Variants in ZNF483 observed in about 807,000 individuals in gnomAD.
ZNF483 encodes the protein zinc finger protein HIT-10.
In ZNF483, 9 loss-of-function variants were observed where a neutral mutation model predicts 28.6. The observed-to-expected ratio is 0.32, with a 90% CI of 0.19 to 0.55. The LOEUF is 0.55. Among genes scored for constraint, ZNF483 ranks in the 20% least tolerant of loss-of-function variants. The pLI, the probability that ZNF483 is intolerant of heterozygous loss-of-function variation, is 0.93. For synonymous variants in ZNF483, 322 were observed against 306.2 expected (o/e 1.05, Z -0.54); for missense variants, 675 against 871.7 (o/e 0.77, Z 2.84).
At chr9:111,558,218 G>C (rs1202909372), downstream of ZNF483, among the ~76,000 whole-genome samples, 1 of 152,120 alleles carries the variant, frequency 6.6e-6, no homozygotes, top group Non-Finnish European at 1.5e-5. Flanking sequence ...GTCTCAGTAC[G>C]GACTCATGGT....
chr9:111,549,598 C>G lies in ZNF483; in HGVS notation c.*6428C>G. The G allele has an allele frequency of 1.3e-6, 1 of 797,234 alleles. No homozygotes were observed. Among genetic ancestry groups the G allele is most frequent in the Non-Finnish European group, 2.0e-6 (1 of 506,134 alleles). The allele number at this position is 797,234 out of a possible 1,614,324, so 49.4% of individuals were successfully genotyped here. Reference sequence around the variant, plus strand: ...TCAGAGTGGGTCGATAATCTACAAGCTTTGCTAAACCTACCTGTAGCTCTT... The same window carrying G: ...TCAGAGTGGGTCGATAATCTACAAGGTTTGCTAAACCTACCTGTAGCTCTT... On this transcript the variant is annotated 3_prime_UTR_variant, in exon 6 of 6. Coordinates refer to ENST00000309235, the MANE Select transcript of ZNF483 (RefSeq NM_133464.5).
chr9:111,537,353 C>T (rs1827537749), intron 5 of ZNF483, among the ~76,000 whole-genome samples: 1 of 151,960 alleles, frequency 6.6e-6, no homozygotes, highest in African/African-American at 2.4e-5. Context: ...CACCAAGTAG[C>T]TGTGATTACA....
chr9:111,562,747 C>A, intron 5 of ZNF483: 1 of 191,284 alleles, frequency 5.2e-6, no homozygotes. Flanking sequence ...TGCTCTCCCT[C>A]CCTCACCCCG....
In ZNF483 at chr9:111,549,843, G is replaced by C; in HGVS notation, c.*6673G>C. On this transcript the variant is annotated 3_prime_UTR_variant, in exon 6 of 6. Transcript: ENST00000309235. ...CATTTAGCTCTTTGAGCATCTTTAA[G>C]GCAGTTGCTTTAAAGTCTGTCTAGT... 7.9e-7 allele frequency: 1 copy of C among 1,269,762 alleles called. No individual in the cohort carries two copies. The highest frequency in any genetic ancestry group is 1.1e-6 in the Non-Finnish European group (1 of 896,756). The allele number at this position is 1,269,762 out of a possible 1,614,324, so 78.7% of individuals were successfully genotyped here.
chr9:111,577,511 T>C (rs1356302973), exon 6 of ZNF483: 5 of 152,130 alleles, frequency 3.3e-5, no homozygotes, highest in Admixed American at 2.6e-4. Context: ...TGCATGAATG[T>C]TCATAGTAAC....
In ZNF483 at chr9:111,542,721, C is replaced by T. The variant is rs748463775; in HGVS notation, c.1786C>T (p.Arg596Trp). 2.5e-6 allele frequency: 4 copies of T among 1,613,094 alleles called. No homozygotes were observed. The highest frequency in any genetic ancestry group is 1.1e-5 in the South Asian group (1 of 90,996). The change falls in exon 6 of 6, where the codon CGG (arginine) becomes TGG (tryptophan). Residue 596 changes from arginine to tryptophan, a missense_variant. Arg to Trp is a moderately radical substitution (Grantham distance 101). Coordinates refer to ENST00000309235, the MANE Select transcript of ZNF483 (RefSeq NM_133464.5). The surrounding 1 kb of genome is among the most constrained non-coding windows in gnomAD (Gnocchi z 6.2). ...CTTTAGGCAGAATTCATGCCTTACC[C>T]GGCATCAGAGAATTCACACTGGAGA... ...KAFRQNSCLT[R>W]HQRIHTGEKP...
Position 111,527,710 on chromosome 9 carries a change from T to C in ZNF483, c.315T>C (p.Pro105=). ...LVFEQFLTIL[P]GEIRIWVKSQ... ...TTGAGCAGTTCCTGACCATTTTGCC[T>C]GGGGAGATCAGGATTTGGGTAAAGT... Residue 105 remains proline (P), a synonymous_variant, in exon 2 of 6, where the codon CCT becomes CCC. Coordinates refer to ENST00000309235, the MANE Select transcript of ZNF483 (RefSeq NM_133464.5). The C allele has an allele frequency of 6.2e-7, 1 of 1,614,074 alleles. No individual in the cohort carries two copies. The highest frequency in any genetic ancestry group is 8.5e-7 in the Non-Finnish European group (1 of 1,180,018).
Position 111,544,237 on chromosome 9 carries a change from AC to A in ZNF483, c.*1068del. The A allele has an allele frequency of 1.0e-6, 1 of 985,438 alleles. No individual in the cohort carries two copies. Among genetic ancestry groups the A allele is most frequent in the Non-Finnish European group, 1.2e-6 (1 of 829,944 alleles). The allele number at this position is 985,438 out of a possible 1,614,324, so 61.0% of individuals were successfully genotyped here. ...ATGGATTTTGGTTTGCAAAAATTCT[AC>A]TTTAAAACAATTTTGCCTGTAGCAA... On this transcript the variant is annotated 3_prime_UTR_variant, in exon 6 of 6. Transcript: ENST00000309235.
rs1485349666 is a variant in ZNF483, at chr9:111,548,818, T to G, written c.*5648T>G. Among the ~76,000 whole-genome samples the G allele has an allele frequency of 2.2e-3, 31 of 13,990 alleles. No homozygotes were observed. The East Asian group carries it at 0.023, about 11-fold the overall frequency. 9.2% of individuals were successfully genotyped at this position (13,990 alleles called of 152,430 possible). On this transcript the variant is annotated 3_prime_UTR_variant, in exon 6 of 6. Transcript: ENST00000309235. ...TGTATATAGAATTCTCAGTTGACAG[T>G]TTTTTTTTTTTTCTTTCTGCATTAA...
In ZNF483 at chr9:111,550,411, C is replaced by T. The variant is rs1317267526; in HGVS notation, c.*7241C>T. On this transcript the variant is annotated 3_prime_UTR_variant, in exon 6 of 6. Transcript: ENST00000309235. ...TGGCTATTATTGTCCACCCTGGCTG[C>T]AGCAAGCTGACCCAGAAATGTGGGG... 2.0e-5 allele frequency among the ~76,000 whole-genome samples: 3 copies of T among 152,206 alleles called. No individual in the cohort carries two copies. Among genetic ancestry groups the T allele is most frequent in the Admixed American group, 6.5e-5 (1 of 15,282 alleles).
chr9:111,545,971 A>G lies in ZNF483; in HGVS notation c.*2801A>G, dbSNP rs748965972. Among the ~76,000 whole-genome samples the G allele has an allele frequency of 1.8e-4, 28 of 152,140 alleles. No homozygotes were observed. Among genetic ancestry groups the G allele is most frequent in the Non-Finnish European group, 3.1e-4 (21 of 68,002 alleles). On this transcript the variant is annotated 3_prime_UTR_variant, in exon 6 of 6. Coordinates refer to ENST00000309235, the MANE Select transcript of ZNF483 (RefSeq NM_133464.5). ...TAAATTTTCATTTAACTTTTTTAGG[A>G]AACTGCCAAATTGTTTTCCAAAGTG...
In ZNF483 at chr9:111,527,638, G is replaced by C; in HGVS notation, c.243G>C (p.Leu81=). Residue 81 remains leucine, a synonymous_variant, in exon 2 of 6, where the codon CTG becomes CTC. Coordinates refer to ENST00000309235, the MANE Select transcript of ZNF483 (RefSeq NM_133464.5). ...TCTGGGAGCTCTGCAATCAGTGGCTGAGACCAGACATTCACACGAAAGAAC... is the reference window on the plus strand; with the variant it reads ...TCTGGGAGCTCTGCAATCAGTGGCTCAGACCAGACATTCACACGAAAGAAC... ...SQLWELCNQW[L]RPDIHTKEQI... The C allele has an allele frequency of 6.2e-7, 1 of 1,614,216 alleles. No individual in the cohort carries two copies. The highest frequency in any genetic ancestry group is 8.5e-7 in the Non-Finnish European group (1 of 1,180,044).
At chr9:111,539,984 TA>T (rs1827633061) in intron 5 of ZNF483, among the ~76,000 whole-genome samples, 1 of 151,994 alleles carries the variant, frequency 6.6e-6, no homozygotes, top group Non-Finnish European at 1.5e-5. Flanking sequence ...TTTTTAGAAT[TA>T]GCCAGGTATG....
chr9:111,529,144 A>AG (rs1188275534), intron 2 of ZNF483, among the ~76,000 whole-genome samples: 156 of 109,878 alleles, frequency 1.4e-3, no homozygotes, highest in Admixed American at 2.4e-3. Context: ...TCTCAAAAAA[A>AG]AAAAGATTGA....
rs1827688000 is a variant in ZNF483 at position 111,542,083 on chromosome 9, T to A, written c.1148T>A (p.Ile383Asn). ...ACTGAACATCAGAAACGTCAGAAGATTCATTTGGGGGATAGGTCCCAAAAA... is the reference window on the plus strand; with the variant it reads ...ACTGAACATCAGAAACGTCAGAAGAATCATTTGGGGGATAGGTCCCAAAAA... ...ALTEHQKRQKIHLGDRSQKCS... is the reference protein window; with the variant it reads ...ALTEHQKRQKNHLGDRSQKCS... Residue 383 changes from isoleucine (I) to asparagine (N), a missense_variant, in exon 6 of 6, where the codon ATT (isoleucine) becomes AAT (asparagine). Ile to Asn is a moderately radical substitution (Grantham distance 149). This residue lies in a region of ZNF483 where 525 missense variants were observed against 581.8 expected (regional missense o/e 0.90). Transcript: ENST00000309235. This position sits in a 1 kb window ranked among gnomAD's most constrained non-coding sequence, Gnocchi z 6.2. The A allele has an allele frequency of 3.7e-6, 6 of 1,614,170 alleles. No individual in the cohort carries two copies. In the East Asian group the frequency reaches 1.3e-4, roughly 36 times the overall value.
At chr9:111,576,677 CAT>C in exon 6 of ZNF483, 1 of 371,704 alleles carries the variant, frequency 2.7e-6, no homozygotes, top group African/African-American at 2.1e-5. Context: ...TATGTGCAAA[CAT>C]GTACATATTT....
In ZNF483 at chr9:111,542,231, T is replaced by C. The variant is rs1268946979; in HGVS notation, c.1296T>C (p.Asn432=). ...CAGCCTTAAATAAAGATGAGGGAAA[T>C]GAGAGTGGAGAAAAAACTCATAAAT... ...QEAALNKDEG[N]ESGEKTHKCS... Residue 432 remains asparagine, a synonymous_variant, in exon 6 of 6, where the codon AAT becomes AAC. Transcript: ENST00000309235. The surrounding 1 kb of genome is among the most constrained non-coding windows in gnomAD (Gnocchi z 6.2). 1 of 1,613,910 alleles carries C rather than the reference T, an allele frequency of 6.2e-7. No homozygotes were observed. Among genetic ancestry groups the C allele is most frequent in the Non-Finnish European group, 8.5e-7 (1 of 1,180,008 alleles).
At chr9:111,577,776 T>C (rs1291556960) in exon 6 of ZNF483, 1 of 151,726 alleles carries the variant, frequency 6.6e-6, no homozygotes, top group Non-Finnish European at 1.5e-5. Flanking sequence ...GCGAGGGAGG[T>C]CGAGGCTGCA....
intron 5 of ZNF483, 132 bp downstream of exon 5, chr9:111,534,485 G>A (rs1437843131): frequency 1.4e-6 from 1 of 722,866 alleles, no homozygotes; most frequent in East Asian, 2.7e-5. Context: ...TTGCCTTCCT[G>A]AAATGTTCAT....
Sources: gnomAD v4.1 joint callset for allele counts (sites outside exome capture counted in the v4.1 genomes callset) on GRCh38, gnomAD v4.1.1 for gene constraint, gnomAD v4.1.1 regional missense constraint, Gnocchi (gnomAD v3.1) non-coding constraint, MANE v1.5 for transcripts, NCBI Gene and HGNC (gene_info 2026-07-23, HGNC 2026-07-21) for gene names.